Variants in MID1 observed in about 807,000 individuals in gnomAD.
MID1 encodes midline 1.
In MID1, 7 loss-of-function variants were observed where a neutral mutation model predicts 40.4. The observed-to-expected ratio is 0.17, with a 90% CI of 0.10 to 0.33. The LOEUF (loss-of-function observed/expected upper bound fraction) is 0.33, where lower values mean the gene tolerates loss of function less well. Ranked by LOEUF, MID1 falls within the 10% of genes least tolerant of loss-of-function variation. The pLI is 1.00. For missense variants in MID1, 367 were observed against 558.5 expected, an observed-to-expected ratio of 0.66 and a Z score of 3.46; for synonymous variants, 229 against 221.2, an observed-to-expected ratio of 1.04 and a Z score of -0.31.
intron 1 of MID1, among the ~76,000 whole-genome samples, chrX:10,702,456 A>C (rs2043198795): frequency 8.9e-6 from 1 of 112,589 alleles, no homozygotes; most frequent in Non-Finnish European, 1.9e-5. Flanking sequence ...TTTATTATAC[A>C]AACTGAAGAA....
chrX:10,827,448 T>TC (rs1182516025), intron 1 of MID1, among the ~76,000 whole-genome samples: 7 of 55,362 alleles, frequency 1.3e-4, no homozygotes, highest in Admixed American at 2.2e-4. Flanking sequence ...GCTCCCCCCG[T>TC]CCCCCCCACC....
chrX:10,809,775 G>A (rs1233566121), intron 1 of MID1, among the ~76,000 whole-genome samples: 1 of 97,922 alleles, frequency 1.0e-5, no homozygotes, highest in Non-Finnish European at 2.0e-5. Context: ...CCTGTTGTGG[G>A]GTAGGGGGAG....
At chrX:10,531,833 C>T (rs770599653) in intron 2 of MID1, among the ~76,000 whole-genome samples, 44 of 111,537 alleles carry the variant, frequency 3.9e-4, no homozygotes, top group Admixed American at 1.3e-3. Flanking sequence ...TTATTCACTC[C>T]TCCTCCCCAG....
chrX:10,816,411 G>A (rs766533301), intron 1 of MID1, among the ~76,000 whole-genome samples: 6 of 111,954 alleles, frequency 5.4e-5, no homozygotes, highest in African/African-American at 9.7e-5. Context: ...TAATTTCCTC[G>A]GAGGCAGGAA....
intron 3 of MID1, among the ~76,000 whole-genome samples, chrX:10,519,354 T>C (rs1415730428): frequency 8.9e-6 from 1 of 112,132 alleles, no homozygotes; most frequent in African/African-American, 3.2e-5. Flanking sequence ...CTTTACCCTA[T>C]AATAATGAAA....
At chrX:10,543,992 T>A (rs1339185491) in intron 2 of MID1, among the ~76,000 whole-genome samples, 6 of 110,829 alleles carry the variant, frequency 5.4e-5, no homozygotes, top group Non-Finnish European at 7.6e-5. Context: ...GGCAACAGAG[T>A]GAGATTCTGT....
intron 9 of MID1, 108 bp from the exon 10 acceptor site, chrX:10,449,824 C>T (rs1335504749): frequency 2.0e-5 from 12 of 612,638 alleles, no homozygotes; most frequent in Non-Finnish European, 3.2e-5. Context: ...ATTTGTTGTC[C>T]CTGTTCATTT....
chrX:10,484,683 A>T (rs1930522376), intron 4 of MID1, among the ~76,000 whole-genome samples: 2 of 112,364 alleles, frequency 1.8e-5, no homozygotes, highest in Non-Finnish European at 3.8e-5. Flanking sequence ...ATTTTGAAAG[A>T]AAAACAGTAG....
At chrX:10,585,000 G>A (rs1051268588) in intron 1 of MID1, among the ~76,000 whole-genome samples, 4 of 111,020 alleles carry the variant, frequency 3.6e-5, no homozygotes, top group African/African-American at 1.3e-4. Context: ...GGGGGTACAT[G>A]ACAGGGGCTT....
chrX:10,738,148 C>A (rs183508423), intron 1 of MID1, among the ~76,000 whole-genome samples: 71 of 111,955 alleles, frequency 6.3e-4, no homozygotes, highest in Non-Finnish European at 1.2e-3. Context: ...ACCTGGCTGC[C>A]TTTCTGATCT....
At chrX:10,698,308 G>A (rs1439161330) in intron 1 of MID1, among the ~76,000 whole-genome samples, 2 of 111,944 alleles carry the variant, frequency 1.8e-5, no homozygotes, top group African/African-American at 3.3e-5. Context: ...ACTTGTGTTC[G>A]CCCTTGAATT....
At chrX:10,503,235 C>A (rs910349794) in intron 3 of MID1, among the ~76,000 whole-genome samples, 1 of 111,677 alleles carries the variant, frequency 9.0e-6, no homozygotes, top group African/African-American at 3.3e-5. Context: ...GCCAGAGGAA[C>A]AATGAAAGGG....
At chrX:10,456,930 C>T (rs951075665) in intron 8 of MID1, among the ~76,000 whole-genome samples, 2 of 111,600 alleles carry the variant, frequency 1.8e-5, no homozygotes, top group Non-Finnish European at 3.8e-5. Flanking sequence ...TCTCAGAGGC[C>T]GTAAGATCTA....
chrX:10,728,684 A>C (rs981481484), intron 1 of MID1, among the ~76,000 whole-genome samples: 1 of 111,949 alleles, frequency 8.9e-6, no homozygotes, highest in African/African-American at 3.2e-5. Flanking sequence ...CATGCTCATT[A>C]CTATGTCTGG....
chrX:10,511,422 T>A (rs1461863079), intron 3 of MID1, among the ~76,000 whole-genome samples: 3 of 111,485 alleles, frequency 2.7e-5, no homozygotes, highest in Non-Finnish European at 5.6e-5. Flanking sequence ...TCTCTGTCAC[T>A]CAGGCTGGAG....
Position 10,597,532 on chromosome X carries a change from GCAAA to G in MID1, c.-57+22754_-57+22757del, listed in dbSNP as rs746246279. 5.1e-3 allele frequency among the ~76,000 whole-genome samples: 563 copies of G among 111,451 alleles called. 2 individuals are homozygous for G. The highest frequency in any genetic ancestry group is 0.017 in the African/African-American group (535 of 30,722). On this transcript the variant is annotated intron_variant, in intron 1 of 9. Transcript: ENST00000317552. ...AGAGCGAGAAAACTAGTTCTCAGTG[GCAAA>G]CAAACAAACAAACAAACAAAAAACC...
At chrX:10,570,937 A>C (rs1934704100) in intron 1 of MID1, among the ~76,000 whole-genome samples, 1 of 110,962 alleles carries the variant, frequency 9.0e-6, no homozygotes, top group African/African-American at 3.3e-5. Context: ...GGTATGAATA[A>C]AATGCTGTGT....
At chrX:10,598,938 A>G (rs1935465117) in intron 1 of MID1, among the ~76,000 whole-genome samples, 1 of 111,896 alleles carries the variant, frequency 8.9e-6, no homozygotes, top group South Asian at 3.8e-4. Context: ...CTAATTTGCT[A>G]TGCAGCAATA....
intron 1 of MID1, among the ~76,000 whole-genome samples, chrX:10,584,318 G>A (rs1039806517): frequency 8.9e-6 from 1 of 112,445 alleles, no homozygotes; most frequent in African/African-American, 3.2e-5. Flanking sequence ...ATGGTATTCA[G>A]AATTACCTGA....
Sources: gnomAD v4.1 joint callset for allele counts (sites outside exome capture counted in the v4.1 genomes callset) on GRCh38, gnomAD v4.1.1 for gene constraint, MANE v1.5 for transcripts, NCBI Gene and HGNC (gene_info 2026-07-23, HGNC 2026-07-21) for gene names.